KIAA0753: variants seen among roughly 807,000 people sequenced by gnomAD.
The protein encoded by KIAA0753 is KIAA0753, also known as protein moonraker.
Under a neutral mutation model 116.9 loss-of-function variants are expected in KIAA0753, and 114 were observed. That is an observed-to-expected ratio of 0.98 (90% CI 0.84 to 1.14). The LOEUF is 1.14. KIAA0753 is among the 50% of genes most tolerant of loss of function. The pLI is 0.00. For missense variants in KIAA0753, 1,156 were observed against 1,172.4 expected (o/e 0.99, Z 0.20); for synonymous variants, 405 against 413.1 (o/e 0.98, Z 0.24).
chr17:6,610,312 G>A, intron 8 of KIAA0753, 152 bp from the exon 9 acceptor site: 1 of 476,542 alleles, frequency 2.1e-6, no homozygotes. Flanking sequence ...AAATTTGGGG[G>A]AGGGTGTAAA....
rs1567532348 is a variant in KIAA0753 at position 6,584,889 on chromosome 17, T to C, written c.2786+4890A>G. ...CCATCTCAGCTCACTGCAGCCTTGA[T>C]TTCCTGGGCTCAAGCAATCCTCCCA... On this transcript the variant is annotated intron_variant, in intron 18 of 18. Coordinates refer to ENST00000361413, the MANE Select transcript of KIAA0753 (RefSeq NM_014804.3). Among the ~76,000 whole-genome samples, 2 of 152,262 alleles carry C rather than the reference T, an allele frequency of 1.3e-5. 1 individual carries two copies. The highest frequency in any genetic ancestry group is 4.8e-5 in the African/African-American group (2 of 41,550).
chr17:6,581,153 C>T (rs1968153320), intron 18 of KIAA0753, among the ~76,000 whole-genome samples: 1 of 152,088 alleles, frequency 6.6e-6, no homozygotes, highest in African/African-American at 2.4e-5. Context: ...TCCAAGGTTC[C>T]AGTCTGGGAT....
At chr17:6,589,165 G>A (rs1968801666) in intron 18 of KIAA0753, among the ~76,000 whole-genome samples, 1 of 152,200 alleles carries the variant, frequency 6.6e-6, no homozygotes, top group South Asian at 2.1e-4. Flanking sequence ...GGTAGTATCT[G>A]TGGTGGGGCC....
intron 16 of KIAA0753, among the ~76,000 whole-genome samples, chr17:6,591,073 A>AGAAG (rs1969019470): frequency 1.4e-5 from 2 of 144,768 alleles, no homozygotes; most frequent in Non-Finnish European, 1.5e-5. Flanking sequence ...AAGAAGAAGA[A>AGAAG]GAAGAAGAAG....
intron 1 of KIAA0753, chr17:6,637,804 G>C (rs916540386): frequency 7.2e-5 from 11 of 152,530 alleles, no homozygotes; most frequent in African/African-American, 2.7e-4. Flanking sequence ...CACAGGCCTA[G>C]GCACCCTGGG....
intron 8 of KIAA0753, 43 bp from the exon 9 acceptor site, chr17:6,610,203 A>T: frequency 6.3e-7 from 1 of 1,595,788 alleles, no homozygotes; most frequent in Non-Finnish European, 8.6e-7. Flanking sequence ...ACAAATACCA[A>T]AGAAACTATG....
At chr17:6,593,187 A>C (rs1292059427) in intron 16 of KIAA0753, among the ~76,000 whole-genome samples, 1 of 152,250 alleles carries the variant, frequency 6.6e-6, no homozygotes, top group Admixed American at 6.5e-5. Context: ...CCAAAAAAAA[A>C]CTGACAAAAG....
chr17:6,580,316 C>CTCAAGATACTT (rs770890575), intron 18 of KIAA0753, among the ~76,000 whole-genome samples: 1 of 139,346 alleles, frequency 7.2e-6, no homozygotes, highest in Non-Finnish European at 1.6e-5. Flanking sequence ...AGCCAAGATA[C>CTCAAGATACTT]TTTTTTTTTT....
At position 6,589,887 on chromosome 17, in the gene KIAA0753, G is replaced by C. The variant is rs112740973; in HGVS notation, c.2678C>G (p.Pro893Arg). Residue 893 changes from proline to arginine, a missense_variant, in exon 18 of 19, where the codon CCG becomes CGG. Coordinates refer to ENST00000361413, the MANE Select transcript of KIAA0753 (RefSeq NM_014804.3). ...GTCACCGATGCTGTGCTGCATACCCGGTGGGACAAAGAGGGGAGCTCGGCC... is the reference window on the plus strand; with the variant it reads ...GTCACCGATGCTGTGCTGCATACCCCGTGGGACAAAGAGGGGAGCTCGGCC... ...KEGRAPLFVP[P>R]GMQHSIGDYC... 373 of 1,613,762 alleles carry C rather than the reference G, an allele frequency of 2.3e-4. 2 individuals are homozygous for C. In the African/African-American group the frequency reaches 4.0e-3, roughly 17 times the overall value.
chr17:6,597,423 T>C (rs1969558906), intron 14 of KIAA0753, among the ~76,000 whole-genome samples: 1 of 152,174 alleles, frequency 6.6e-6, no homozygotes, highest in African/African-American at 2.4e-5. Flanking sequence ...AAAAATACTA[T>C]GTCCCATTAA....
chr17:6,607,486 C>G (rs1351540539), intron 10 of KIAA0753, among the ~76,000 whole-genome samples: 2 of 152,188 alleles, frequency 1.3e-5, no homozygotes, highest in African/African-American at 4.8e-5. Context: ...CAATGAGAAC[C>G]TGTCTCAAAC....
At chr17:6,627,665 A>G (rs1468254245) in intron 3 of KIAA0753, among the ~76,000 whole-genome samples, 2 of 152,212 alleles carry the variant, frequency 1.3e-5, no homozygotes, top group Non-Finnish European at 2.9e-5. Context: ...TTCCCTTGTC[A>G]CTGGTGTGTA....
At chr17:6,580,913 CA>C (rs764400927) in intron 18 of KIAA0753, among the ~76,000 whole-genome samples, 3,285 of 149,890 alleles carry the variant, frequency 0.022, 67 homozygotes, top group South Asian at 0.04. Context: ...CACACACACA[CA>C]CACACACACA....
intron 1 of KIAA0753, 54 bp from the exon 2 acceptor site, chr17:6,635,225 C>T: frequency 1.4e-6 from 1 of 706,866 alleles, no homozygotes; most frequent in Non-Finnish European, 2.5e-6. Flanking sequence ...GGGAAAAGAA[C>T]AGATAAAACA....
intron 10 of KIAA0753, among the ~76,000 whole-genome samples, chr17:6,607,957 A>G (rs1280239282): frequency 6.6e-6 from 1 of 152,220 alleles, no homozygotes; most frequent in Non-Finnish European, 1.5e-5. Context: ...TTCCTAGGTT[A>G]CATACCGTGT....
chr17:6,610,625 A>C (rs1409862667), intron 8 of KIAA0753, among the ~76,000 whole-genome samples: 1 of 146,842 alleles, frequency 6.8e-6, no homozygotes, highest in Non-Finnish European at 1.5e-5. Context: ...GGCTCAAGCG[A>C]TTCTCCTGCC....
intron 8 of KIAA0753, 141 bp from the exon 9 acceptor site, chr17:6,610,301 G>T: frequency 2.2e-6 from 1 of 450,146 alleles, no homozygotes; most frequent in Non-Finnish European, 3.3e-6. Context: ...CACTGTGGCA[G>T]AAATTTGGGG....
At chr17:6,588,652 A>G (rs185598655) in intron 18 of KIAA0753, among the ~76,000 whole-genome samples, 292 of 152,362 alleles carry the variant, frequency 1.9e-3, no homozygotes, top group Non-Finnish European at 3.6e-3. Flanking sequence ...GTACACTACT[A>G]TGCTACTATA....
rs762168684 is a variant in KIAA0753, at chr17:6,589,975, CCT to C, written c.2588_2589del (p.Glu863GlyfsTer38). ...GNSLDESVGT[E>X]EGSEKREAPL... is the part of the protein sequence containing the mutation. ...GGGGCCTCTCTTTTCTCTGATCCTT[CCT>C]CTGTTCCCACACTTTCATCCAGGGA... is the stretch of plus-strand genomic sequence containing the variant. On this transcript the variant is annotated frameshift_variant, in exon 18 of 19. Transcript: ENST00000361413. LOFTEE classifies it high-confidence loss of function. 1 of 1,582,362 alleles carries C rather than the reference CCT, an allele frequency of 6.3e-7. No individual in the cohort carries two copies.
Sources: gnomAD v4.1 joint callset for allele counts (sites outside exome capture counted in the v4.1 genomes callset) on GRCh38, gnomAD v4.1.1 for gene constraint, MANE v1.5 for transcripts, NCBI Gene and HGNC (gene_info 2026-07-23, HGNC 2026-07-21) for gene names.